The following CYTH3 variants were observed in gnomAD, a reference collection of about 807,000 sequenced individuals.
CYTH3 encodes cytohesin-3.
Under a neutral mutation model 55.1 loss-of-function variants are expected in CYTH3, and 23 were observed. The ratio of observed to expected loss-of-function variants is 0.42; its 90% CI spans 0.30 to 0.59. CYTH3 has a LOEUF of 0.59. Among genes scored for constraint, CYTH3 ranks in the 20% least tolerant of loss-of-function variants. The probability of loss-of-function intolerance (pLI) is 0.20; values close to 1 mark genes in which losing one functional copy is unlikely to be tolerated. For synonymous variants in CYTH3, 249 were observed against 194.9 expected (o/e 1.28, Z -2.31); for missense variants, 413 against 524.8 (o/e 0.79, Z 2.08).
Position 6,173,746 on chromosome 7 carries a change from G to A in CYTH3, c.369-13C>T, listed in dbSNP as rs1562878186. 10 of 1,517,214 alleles carry A rather than the reference G, an allele frequency of 6.6e-6. No homozygotes were observed. The highest frequency in any genetic ancestry group is 2.2e-5 in the East Asian group (1 of 44,464). The allele number at this position is 1,517,214 out of a possible 1,614,324, so 94.0% of individuals were successfully genotyped here. On this transcript the variant is annotated splice_polypyrimidine_tract_variant and intron_variant, in intron 5 of 12. Transcript: ENST00000350796. ...ATTAAATTCATCCCTGGGAAAAAAA[G>A]AAGTAAGTTTCAAACCTAATGTACA...
chr7:6,270,636 C>T (rs1278200199), intron 1 of CYTH3, among the ~76,000 whole-genome samples: 1 of 152,118 alleles, frequency 6.6e-6, no homozygotes, highest in East Asian at 1.9e-4. Context: ...CCATAATTTA[C>T]CTCACCATGC....
intron 1 of CYTH3, among the ~76,000 whole-genome samples, chr7:6,236,425 G>C (rs1460239244): frequency 2.7e-5 from 4 of 148,816 alleles, no homozygotes; most frequent in African/African-American, 1.0e-4. Context: ...GCCCAGGCTG[G>C]TCTTGAACTC....
intron 1 of CYTH3, among the ~76,000 whole-genome samples, chr7:6,258,538 G>C (rs1023275578): frequency 6.6e-6 from 1 of 152,150 alleles, no homozygotes. Context: ...TCCCTGATGG[G>C]TAAATATGTA....
chr7:6,185,735 G>A (rs916603097), intron 4 of CYTH3, among the ~76,000 whole-genome samples: 17 of 151,528 alleles, frequency 1.1e-4, no homozygotes, highest in African/African-American at 1.9e-4. Context: ...GTGCAGTGGC[G>A]CATACCTGCA....
chr7:6,218,019 T>A (rs547976510), intron 1 of CYTH3, among the ~76,000 whole-genome samples: 2 of 151,722 alleles, frequency 1.3e-5, no homozygotes, highest in East Asian at 1.9e-4. Flanking sequence ...CTCATCTCTA[T>A]GAAAAATACA....
At chr7:6,264,243 G>A (rs775629677) in intron 1 of CYTH3, among the ~76,000 whole-genome samples, 14 of 150,884 alleles carry the variant, frequency 9.3e-5, no homozygotes, top group African/African-American at 1.2e-4. Flanking sequence ...GCAAAACTCC[G>A]TCTCAAAAGA....
chr7:6,172,670 G>A (rs1430976534), intron 6 of CYTH3: 6 of 1,029,030 alleles, frequency 5.8e-6, no homozygotes, highest in African/African-American at 3.5e-5. Flanking sequence ...AGAGACTGAT[G>A]GACTGAAAGA....
At chr7:6,174,850 C>T (rs940833936) in intron 5 of CYTH3, among the ~76,000 whole-genome samples, 1 of 152,318 alleles carries the variant, frequency 6.6e-6, no homozygotes, top group South Asian at 2.1e-4. Flanking sequence ...CCCAGCCTCT[C>T]CTTGTGGTTT....
chr7:6,189,110 C>T (rs924021789), intron 2 of CYTH3, among the ~76,000 whole-genome samples: 1 of 152,174 alleles, frequency 6.6e-6, no homozygotes, highest in Non-Finnish European at 1.5e-5. Flanking sequence ...GTCTGATTGA[C>T]TTTCCCAAGG....
At chr7:6,259,788 TATATATATATATATATATATATATA>T (rs1780270563) in intron 1 of CYTH3, among the ~76,000 whole-genome samples, 7 of 15,104 alleles carry the variant, frequency 4.6e-4, no homozygotes, top group Admixed American at 2.5e-3. Flanking sequence ...ATATATAATA[TATATATATATATATATATATATATA>T]ATATATATAT....
In CYTH3 at chr7:6,163,316, A is replaced by G. The variant is rs1485487114; in HGVS notation, c.*1628T>C. 6.6e-6 allele frequency: 1 copy of G among 152,300 alleles called. No homozygotes were observed. The allele number at this position is 152,300 out of a possible 1,614,324, so 9.4% of individuals were successfully genotyped here. On this transcript the variant is annotated 3_prime_UTR_variant, in exon 13 of 13. Transcript: ENST00000350796. Reference sequence around the variant, plus strand: ...CTGAGGTTTTGTCTCTGGACTGGGCATTTTGCACAGGAGTACAGATGCCCT... The same window carrying G: ...CTGAGGTTTTGTCTCTGGACTGGGCGTTTTGCACAGGAGTACAGATGCCCT...
intron 1 of CYTH3, among the ~76,000 whole-genome samples, chr7:6,211,354 T>C (rs117489351): frequency 9.4e-4 from 144 of 152,384 alleles, no homozygotes; most frequent in Non-Finnish European, 1.6e-3. Context: ...CAGAACAGAA[T>C]GATGGCTGAA....
At chr7:6,238,027 C>G (rs1350777868) in intron 1 of CYTH3, among the ~76,000 whole-genome samples, 1 of 152,164 alleles carries the variant, frequency 6.6e-6, no homozygotes, top group Non-Finnish European at 1.5e-5. Flanking sequence ...GGTCCCCACT[C>G]ATTGTAACAT....
rs75480745 is a variant in CYTH3 at position 6,178,796 on chromosome 7, C to G, written c.250-855G>C. Among the ~76,000 whole-genome samples the G allele has an allele frequency of 6.2e-3, 947 of 152,348 alleles. 7 individuals carry two copies. Among genetic ancestry groups the G allele is most frequent in the African/African-American group, 0.022 (899 of 41,576 alleles). On this transcript the variant is annotated intron_variant, in intron 4 of 12. Coordinates refer to ENST00000350796, the MANE Select transcript of CYTH3 (RefSeq NM_004227.4). ...CATGCCCACTCTGAGGGCTGCGGCA[C>G]AGCTGACAATCTCAAAGGCAATGGG...
chr7:6,217,401 TTAA>T (rs1255994718), intron 1 of CYTH3, among the ~76,000 whole-genome samples: 2 of 152,052 alleles, frequency 1.3e-5, no homozygotes, highest in African/African-American at 4.8e-5. Context: ...CATGCAAACA[TTAA>T]TAAAAAGAAA....
intron 4 of CYTH3, among the ~76,000 whole-genome samples, 179 bp downstream of exon 4, chr7:6,186,871 G>A (rs1783666862): frequency 6.6e-6 from 1 of 152,154 alleles, no homozygotes; most frequent in Admixed American, 6.5e-5. Context: ...GCCCTACAAG[G>A]CACTTCTGCT....
At chr7:6,255,726 T>TAGTGTGACTACCCA (rs1441622868) in intron 1 of CYTH3, among the ~76,000 whole-genome samples, 66 of 151,578 alleles carry the variant, frequency 4.4e-4, no homozygotes, top group Non-Finnish European at 8.2e-4. Context: ...ACGCTCAGGT[T>TAGTGTGACTACCCA]AGTGTGACTA....
intron 4 of CYTH3, among the ~76,000 whole-genome samples, chr7:6,179,675 A>ACCCC (rs1562881348): frequency 1.8e-5 from 1 of 55,364 alleles, no homozygotes; most frequent in African/African-American, 9.8e-5. Flanking sequence ...CCACACACAC[A>ACCCC]CCACACACAC....
Position 6,272,532 on chromosome 7 carries a change from G to A in CYTH3, c.-25C>T. 3.0e-6 allele frequency: 4 copies of A among 1,320,210 alleles called. No individual in the cohort carries two copies. The highest frequency in any genetic ancestry group is 3.9e-6 in the Non-Finnish European group (4 of 1,022,660). The allele number at this position is 1,320,210 out of a possible 1,614,324, so 81.8% of individuals were successfully genotyped here. On this transcript the variant is annotated 5_prime_UTR_variant, in exon 1 of 13. Transcript: ENST00000350796. ...TCTTGAGGCCACTCCCGCAGCCGGC[G>A]AGCCGGGGGCCGGCAGCAGAGGGGC... is the stretch of plus-strand genomic sequence containing the variant.
Sources: gnomAD v4.1 joint callset for allele counts (sites outside exome capture counted in the v4.1 genomes callset) on GRCh38, gnomAD v4.1.1 for gene constraint, MANE v1.5 for transcripts, NCBI Gene and HGNC (gene_info 2026-07-23, HGNC 2026-07-21) for gene names.